Variants in LAMA3 observed in about 807,000 individuals in gnomAD.
The protein encoded by LAMA3 is laminin subunit alpha 3, also known as laminin subunit alpha-3.
Under a neutral mutation model 402.0 loss-of-function variants are expected in LAMA3, and 281 were observed. The observed-to-expected ratio is 0.70, with a 90% CI of 0.63 to 0.77. The LOEUF is 0.77. Ranked by LOEUF, LAMA3 falls within the 30% of genes least tolerant of loss-of-function variation. The pLI is 0.00. For missense variants in LAMA3, 3,840 were observed against 4,215.5 expected, an observed-to-expected ratio of 0.91 and a Z score of 2.47; for synonymous variants, 1,431 against 1,558.4, an observed-to-expected ratio of 0.92 and a Z score of 1.93.
chr18:23,790,674 A>T (rs535819357), intron 12 of LAMA3, among the ~76,000 whole-genome samples: 1 of 152,320 alleles, frequency 6.6e-6, no homozygotes, highest in South Asian at 2.1e-4. Flanking sequence ...ACTCTCATTC[A>T]GCTAGAAACT....
chr18:23,821,433 C>T (rs1347559246), intron 19 of LAMA3, among the ~76,000 whole-genome samples: 4 of 152,172 alleles, frequency 2.6e-5, no homozygotes, highest in African/African-American at 9.7e-5. Context: ...AAAAATATCC[C>T]CTTCCTTTTA....
At chr18:23,776,034 G>A (rs765891796) in intron 10 of LAMA3, 111 bp downstream of exon 10, 9 of 1,115,542 alleles carry the variant, frequency 8.1e-6, no homozygotes, top group Non-Finnish European at 1.2e-5. Flanking sequence ...CAGAAATGGG[G>A]CCAGGTGGGT....
intron 12 of LAMA3, among the ~76,000 whole-genome samples, chr18:23,799,979 C>T (rs1035588426): frequency 5.3e-5 from 8 of 152,194 alleles, no homozygotes; most frequent in Non-Finnish European, 1.2e-4. Context: ...GGAGAATAAT[C>T]TGCTTTATTC....
At chr18:23,736,004 C>G (rs1450767231) in intron 2 of LAMA3, among the ~76,000 whole-genome samples, 1 of 152,006 alleles carries the variant, frequency 6.6e-6, no homozygotes, top group Non-Finnish European at 1.5e-5. Context: ...TGGTTCAGAA[C>G]CAGATAGGAA....
chr18:23,864,971 A>G, intron 36 of LAMA3, 88 bp downstream of exon 36: 1 of 837,928 alleles, frequency 1.2e-6, no homozygotes, highest in Admixed American at 1.8e-5. Flanking sequence ...TATGTGGCCT[A>G]CAAAAAGTTT....
In LAMA3 at chr18:23,954,684, A is replaced by G. The variant is rs555122062; in HGVS notation, c.*36A>G. ...TTTCACAGCAAGGAAATTCACCTTCAAAAGCACTGATTACCCAATGCACCT... is the reference window on the plus strand; with the variant it reads ...TTTCACAGCAAGGAAATTCACCTTCGAAAGCACTGATTACCCAATGCACCT... On this transcript the variant is annotated 3_prime_UTR_variant, in exon 75 of 75. Coordinates refer to ENST00000313654, the MANE Select transcript of LAMA3 (RefSeq NM_198129.4). The G allele has an allele frequency of 1.2e-6, 2 of 1,609,994 alleles. No individual in the cohort carries two copies. Among genetic ancestry groups the G allele is most frequent in the East Asian group, 2.2e-5 (1 of 44,856 alleles).
Position 23,907,594 on chromosome 18 carries a change from G to A in LAMA3, c.6763G>A (p.Val2255Met), listed in dbSNP as rs1298222630. The stretch of plus-strand genomic sequence containing the variant: ...CAACCTACAGCAAACCCTGAATATT[G>A]TGACAGTTCAGAAAGAAGTGATAGA... ...LNNLQQTLNI[V>M]TVQKEVIDTN... Residue 2255 changes from valine to methionine, a missense_variant, in exon 53 of 75, where the codon GTG becomes ATG. By Grantham distance (21) the Val-to-Met change is conservative. This residue lies in a region of LAMA3 where 891 missense variants were observed against 857.5 expected (regional missense o/e 1.04). Transcript: ENST00000313654. 130 of 1,613,970 alleles carry A rather than the reference G, an allele frequency of 8.1e-5. No individual in the cohort carries two copies. The highest frequency in any genetic ancestry group is 1.1e-4 in the Non-Finnish European group (130 of 1,179,974).
chr18:23,864,738 C>T, intron 35 of LAMA3, 47 bp from the exon 36 acceptor site: 1 of 1,214,576 alleles, frequency 8.2e-7, no homozygotes, highest in African/African-American at 1.5e-5. Flanking sequence ...ATGTTGACAT[C>T]ATCTCTTTTA....
At chr18:23,793,237 G>A (rs2144105745) in intron 12 of LAMA3, among the ~76,000 whole-genome samples, 2 of 152,254 alleles carry the variant, frequency 1.3e-5, no homozygotes, top group Non-Finnish European at 2.9e-5. Context: ...AGCTGGTAGA[G>A]GAGGTGGTGG....
chr18:23,738,365 C>T (rs557088400), intron 2 of LAMA3, among the ~76,000 whole-genome samples: 3 of 152,092 alleles, frequency 2.0e-5, no homozygotes, highest in East Asian at 1.9e-4. Context: ...GTTCCTCCCT[C>T]CCTCCTTCTG....
chr18:23,768,065 G>A (rs1389330340), intron 8 of LAMA3, among the ~76,000 whole-genome samples: 1 of 151,934 alleles, frequency 6.6e-6, no homozygotes, highest in Non-Finnish European at 1.5e-5. Flanking sequence ...TCTGGACATT[G>A]GCCTTCGGAA....
chr18:23,800,236 C>A (rs181627597), intron 12 of LAMA3, among the ~76,000 whole-genome samples: 1 of 152,144 alleles, frequency 6.6e-6, no homozygotes, highest in African/African-American at 2.4e-5. Context: ...TGTATACAAT[C>A]GAAAATACAC....
chr18:23,764,516 C>G (rs919429142), intron 8 of LAMA3, among the ~76,000 whole-genome samples: 2 of 151,908 alleles, frequency 1.3e-5, no homozygotes, highest in African/African-American at 4.8e-5. Context: ...ATCATTCTCT[C>G]AGTGATATTA....
intron 8 of LAMA3, among the ~76,000 whole-genome samples, chr18:23,770,041 G>A (rs1186197421): frequency 6.6e-6 from 1 of 152,146 alleles, no homozygotes; most frequent in Admixed American, 6.5e-5. Context: ...ATTCATCAGG[G>A]AGACAGTAAT....
intron 68 of LAMA3, among the ~76,000 whole-genome samples, chr18:23,943,002 T>G (rs2082578040): frequency 6.6e-6 from 1 of 152,212 alleles, no homozygotes; most frequent in Non-Finnish European, 1.5e-5. Context: ...GGGTCTGTGC[T>G]TCCGTGTCTT....
At chr18:23,851,275 C>T (rs916824538) in intron 32 of LAMA3, among the ~76,000 whole-genome samples, 1 of 152,198 alleles carries the variant, frequency 6.6e-6, no homozygotes, top group Non-Finnish European at 1.5e-5. Flanking sequence ...ACCTGCACGA[C>T]CTCTGTCGTC....
chr18:23,767,802 A>C (rs967394156), intron 8 of LAMA3, among the ~76,000 whole-genome samples: 2 of 151,770 alleles, frequency 1.3e-5, no homozygotes, highest in Non-Finnish European at 2.9e-5. Flanking sequence ...CAAACTCCTG[A>C]CCTCAGGTGA....
At chr18:23,803,078 G>A (rs1434795466) in intron 12 of LAMA3, among the ~76,000 whole-genome samples, 1 of 152,130 alleles carries the variant, frequency 6.6e-6, no homozygotes, top group Admixed American at 6.5e-5. Context: ...AATACTATGT[G>A]GATACTATGA....
At chr18:23,737,183 C>G (rs934215665) in intron 2 of LAMA3, among the ~76,000 whole-genome samples, 3 of 152,170 alleles carry the variant, frequency 2.0e-5, no homozygotes, top group African/African-American at 7.2e-5. Context: ...TCCCTGGCTC[C>G]TGTTGTACTC....
Sources: allele counts gnomAD v4.1 joint callset (sites outside exome capture counted in the v4.1 genomes callset), GRCh38; gene constraint gnomAD v4.1.1; regional missense constraint gnomAD v4.1.1; transcripts MANE v1.5; gene names NCBI Gene and HGNC (gene_info 2026-07-23, HGNC 2026-07-21).